Variants in OVCH1 observed in about 807,000 individuals in gnomAD.
OVCH1 encodes ovochymase 1.
OVCH1 carries 139 observed loss-of-function variants against 138.4 expected under a neutral mutation model. The observed-to-expected ratio is 1.00, with a 90% confidence interval of 0.87 to 1.16. The LOEUF (loss-of-function observed/expected upper bound fraction) is 1.16, where lower values mean the gene tolerates loss of function less well. Ranked by LOEUF, OVCH1 falls within the 50% of genes most tolerant of loss-of-function variation. OVCH1 has a pLI of 0.00. For missense variants in OVCH1, 1,367 were observed against 1,357.9 expected (o/e 1.01, Z -0.11); for synonymous variants, 453 against 467.8 (o/e 0.97, Z 0.41).
intron 3 of OVCH1, 54 bp from the exon 4 acceptor site, chr12:29,495,511 CTTGGT>C (rs1943391320): frequency 6.7e-7 from 1 of 1,499,290 alleles, no homozygotes; most frequent in Non-Finnish European, 9.1e-7. Context: ...CGCAAGTCTT[CTTGGT>C]TTGATGTAAT....
chr12:29,442,261 G>T (rs1941505008), intron 25 of OVCH1, among the ~76,000 whole-genome samples: 1 of 151,776 alleles, frequency 6.6e-6, no homozygotes, highest in Admixed American at 6.6e-5. Context: ...AGAAAATGTG[G>T]CACATATACA....
chr12:29,465,286 C>T, intron 16 of OVCH1, 67 bp from the exon 17 acceptor site: 2 of 1,283,656 alleles, frequency 1.6e-6, no homozygotes. Flanking sequence ...TCTCACACTG[C>T]TATAAAGGAC....
chr12:29,464,392 T>G, intron 18 of OVCH1, 115 bp downstream of exon 18: 1 of 1,159,842 alleles, frequency 8.6e-7, no homozygotes, highest in Non-Finnish European at 1.2e-6. Flanking sequence ...AAAACATGGT[T>G]TCTATCTTTT....
chr12:29,409,399 TA>T (rs1440208896), downstream of OVCH1, among the ~76,000 whole-genome samples: 1 of 152,158 alleles, frequency 6.6e-6, no homozygotes, highest in Non-Finnish European at 1.5e-5. Flanking sequence ...ATTGTGATGT[TA>T]GGGTGTCAAT....
At chr12:29,461,112 ATTCT>A (rs1246909100) in intron 19 of OVCH1, among the ~76,000 whole-genome samples, 2 of 152,134 alleles carry the variant, frequency 1.3e-5, no homozygotes, top group Non-Finnish European at 2.9e-5. Context: ...AACAAGATTC[ATTCT>A]TTCTTTCCTC....
intron 25 of OVCH1, among the ~76,000 whole-genome samples, chr12:29,441,654 C>A (rs1482070547): frequency 1.3e-5 from 2 of 152,046 alleles, no homozygotes; most frequent in South Asian, 2.1e-4. Context: ...TTCTGCACAG[C>A]AAAAGAAACT....
chr12:29,497,599 T>C (rs779590486), intron 1 of OVCH1, 24 bp downstream of exon 1: 1 of 1,613,066 alleles, frequency 6.2e-7, no homozygotes, highest in Non-Finnish European at 8.5e-7. Flanking sequence ...TCCGCAGTCC[T>C]GGTGCCCAGG....
intron 21 of OVCH1, among the ~76,000 whole-genome samples, chr12:29,453,894 C>A (rs1480779738): frequency 6.6e-6 from 1 of 152,142 alleles, no homozygotes; most frequent in African/African-American, 2.4e-5. Flanking sequence ...GGCCTTTATG[C>A]TACCCAGCAA....
At chr12:29,420,359 A>G (rs553780158) in intron 3 of OVCH1, among the ~76,000 whole-genome samples, 2 of 152,330 alleles carry the variant, frequency 1.3e-5, no homozygotes, top group African/African-American at 4.8e-5. Flanking sequence ...CCAGTGCTCT[A>G]GGTGATATGT....
intron 4 of OVCH1, among the ~76,000 whole-genome samples, chr12:29,494,766 A>C (rs1052430045): frequency 2.0e-5 from 3 of 152,146 alleles, no homozygotes; most frequent in African/African-American, 7.2e-5. Flanking sequence ...AAAATGCTGA[A>C]TCTCATGAAG....
chr12:29,460,962 C>T (rs1276423580), intron 19 of OVCH1, among the ~76,000 whole-genome samples: 2 of 152,050 alleles, frequency 1.3e-5, no homozygotes, highest in Non-Finnish European at 2.9e-5. Context: ...TTAAAGGGGA[C>T]TTCATTGCCT....
intron 21 of OVCH1, among the ~76,000 whole-genome samples, chr12:29,454,148 C>CCTATCT (rs137878178): frequency 6.6e-6 from 1 of 152,006 alleles, no homozygotes; most frequent in African/African-American, 2.4e-5. Context: ...GTACTTTGCT[C>CCTATCT]CTAAGACCAT....
chr12:29,456,966 T>C (rs1365929879), intron 19 of OVCH1, among the ~76,000 whole-genome samples: 3 of 152,226 alleles, frequency 2.0e-5, no homozygotes, highest in African/African-American at 7.2e-5. Flanking sequence ...AGTCCTTTAT[T>C]TGTCTTCTTG....
rs997701690 is a variant in OVCH1, at chr12:29,427,778, T to G, written c.3328-130A>C. On this transcript the variant is annotated intron_variant, in intron 27 of 27. Coordinates refer to ENST00000318184, the Ensembl canonical transcript of OVCH1. ...GCAACAGGGGTCTATATTCATTAGG[T>G]CCAAAATCTTTACAGAAATTGCATG... 16 of 1,264,952 alleles carry G rather than the reference T, an allele frequency of 1.3e-5. No homozygotes were observed. The African/African-American group carries it at 2.1e-4, about 16-fold the overall frequency. 78.4% of individuals were successfully genotyped at this position (1,264,952 alleles called of 1,614,324 possible). A position where few individuals can be genotyped will look rare whatever the true frequency, so the allele number is the denominator to read the frequency against.
chr12:29,455,538 CCA>C, intron 19 of OVCH1, 133 bp from the exon 20 acceptor site: 1 of 1,067,806 alleles, frequency 9.4e-7, no homozygotes. Flanking sequence ...TTGTCAATTT[CCA>C]TCTTTACATA....
exon 20 of OVCH1, chr12:29,455,263 T>G (rs1363519087): frequency 1.9e-6 from 3 of 1,611,462 alleles, no homozygotes; most frequent in East Asian, 2.2e-5. Flanking sequence ...GATTTTTGAT[T>G]GGATCCAGTC....
chr12:29,451,214 G>T, intron 22 of OVCH1, 131 bp downstream of exon 22: 1 of 535,376 alleles, frequency 1.9e-6, no homozygotes, highest in South Asian at 3.6e-5. Context: ...TGTTTACAAG[G>T]GAAAAAGCAT....
At chr12:29,455,719 A>C (rs1418794421) in intron 19 of OVCH1, among the ~76,000 whole-genome samples, 1 of 152,230 alleles carries the variant, frequency 6.6e-6, no homozygotes, top group Non-Finnish European at 1.5e-5. Flanking sequence ...ATCAATTAGT[A>C]AAACTGTAAT....
chr12:29,485,545 C>T (rs1023559985), intron 8 of OVCH1, among the ~76,000 whole-genome samples: 17 of 151,682 alleles, frequency 1.1e-4, no homozygotes, highest in Admixed American at 9.2e-4. Context: ...GAGGCCGAGG[C>T]GGGCGGATTA....
Sources: allele counts gnomAD v4.1 joint callset (sites outside exome capture counted in the v4.1 genomes callset), GRCh38; gene constraint gnomAD v4.1.1; transcripts MANE v1.5; gene names NCBI Gene and HGNC (gene_info 2026-07-23, HGNC 2026-07-21).